The following ATP8B4 variants were observed in gnomAD, a reference collection of about 807,000 sequenced individuals.
ATP8B4 encodes the protein probable phospholipid-transporting ATPase IM.
A neutral mutation model predicts 145.6 loss-of-function variants in ATP8B4; 133 were observed. The observed-to-expected ratio is 0.91, with a 90% confidence interval of 0.79 to 1.05. ATP8B4 has a LOEUF of 1.05. Among genes scored for constraint, ATP8B4 ranks in the 50% least tolerant of loss-of-function variants. ATP8B4 has a pLI of 0.00. For missense variants in ATP8B4, 1,458 were observed against 1,425.2 expected (o/e 1.02, Z -0.37); for synonymous variants, 507 against 492.9 (o/e 1.03, Z -0.38).
At position 49,858,849 on chromosome 15, in the gene ATP8B4, A is replaced by C. The variant is rs1241450576; in HGVS notation, c.*1345T>G. On this transcript the variant is annotated 3_prime_UTR_variant, in exon 28 of 28. Transcript: ENST00000284509. Reference sequence around the variant, plus strand: ...CAATTGCTCTGTTATACTGATGTTGAGTTAACTGGAACTTAACTCATCTGT... The same window carrying C: ...CAATTGCTCTGTTATACTGATGTTGCGTTAACTGGAACTTAACTCATCTGT... The C allele has an allele frequency of 6.6e-6, 1 of 152,056 alleles. No homozygotes were observed. Among genetic ancestry groups the C allele is most frequent in the Non-Finnish European group, 1.5e-5 (1 of 67,974 alleles). 9.4% of individuals were successfully genotyped at this position (152,056 alleles called of 1,614,324 possible).
chr15:50,013,108 C>T (rs949624501), intron 6 of ATP8B4, among the ~76,000 whole-genome samples: 2 of 152,060 alleles, frequency 1.3e-5, no homozygotes, highest in Non-Finnish European at 2.9e-5. Flanking sequence ...TAAAAAAAAT[C>T]CCAGCAGAAC....
intron 6 of ATP8B4, among the ~76,000 whole-genome samples, chr15:50,018,162 A>G (rs916481270): frequency 2.0e-5 from 3 of 151,850 alleles, no homozygotes; most frequent in Admixed American, 2.0e-4. Context: ...TAATTTTTGT[A>G]TTTTTAGTAG....
chr15:49,924,673 T>C (rs932437729), intron 16 of ATP8B4, among the ~76,000 whole-genome samples: 1 of 152,226 alleles, frequency 6.6e-6, no homozygotes, highest in African/African-American at 2.4e-5. Context: ...CTGGCTTACA[T>C]AGATCTAATA....
chr15:49,992,244 T>C (rs763655342), intron 9 of ATP8B4, among the ~76,000 whole-genome samples: 1 of 152,158 alleles, frequency 6.6e-6, no homozygotes, highest in Non-Finnish European at 1.5e-5. Flanking sequence ...ATCAGCATCA[T>C]GTTTAGGGCC....
intron 13 of ATP8B4, among the ~76,000 whole-genome samples, chr15:49,969,363 T>G (rs941769132): frequency 6.6e-6 from 1 of 151,518 alleles, no homozygotes; most frequent in Admixed American, 6.6e-5. Flanking sequence ...ATTAACAAAA[T>G]AGACAGACCA....
rs967389342 is a variant in ATP8B4, at chr15:49,920,386, TCCGAAGG to T, written c.1776_1782del (p.Leu593ProfsTer35). The T allele has an allele frequency of 2.5e-6, 4 of 1,613,804 alleles. No individual in the cohort carries two copies. The African/African-American group carries it at 5.3e-5, about 22-fold the overall frequency. ...AGGTCTCTGTATGCGATGGCCAAGG[TCCGAAGG>T]CCTTCCCCTGCAAATTCCTGCCAGA... On this transcript the variant is annotated frameshift_variant, in exon 18 of 28. Transcript: ENST00000284509. LOFTEE classifies it high-confidence loss of function.
At chr15:50,019,097 G>A in intron 6 of ATP8B4, 1 of 510,932 alleles carries the variant, frequency 2.0e-6, no homozygotes, top group South Asian at 1.5e-5. Flanking sequence ...GTCCTTTGAG[G>A]ATGACTTTTT....
intron 2 of ATP8B4, among the ~76,000 whole-genome samples, chr15:50,086,052 T>C (rs8027986): frequency 9.3e-6 from 1 of 107,090 alleles, no homozygotes; most frequent in Non-Finnish European, 1.7e-5. Flanking sequence ...AATATATAGA[T>C]CTATATATAT....
At chr15:49,875,430 GAGA>G (rs1264914776) in intron 25 of ATP8B4, among the ~76,000 whole-genome samples, 1 of 152,180 alleles carries the variant, frequency 6.6e-6, no homozygotes, top group African/African-American at 2.4e-5. Context: ...CCTCATGACA[GAGA>G]AGATCACCTA....
intron 1 of ATP8B4, among the ~76,000 whole-genome samples, chr15:50,167,016 T>G (rs951008561): frequency 2.6e-5 from 4 of 152,200 alleles, no homozygotes; most frequent in Non-Finnish European, 4.4e-5. Context: ...AATTCCCAGA[T>G]CACAATTTTA....
In ATP8B4 at chr15:50,041,479, G is replaced by T. The variant is rs1459052105; in HGVS notation, c.301-2650C>A. Among the ~76,000 whole-genome samples, 4 of 152,322 alleles carry T rather than the reference G, an allele frequency of 2.6e-5. No individual in the cohort carries two copies. The East Asian group carries it at 7.7e-4, about 29-fold the overall frequency. The stretch of plus-strand genomic sequence containing the variant: ...GTTTCCAAAGCTGTGAAGCCATTAA[G>T]TCATAAGACTACCTTGTACACTGAC... On this transcript the variant is annotated intron_variant, in intron 5 of 27. Transcript: ENST00000284509.
At chr15:50,005,651 C>T (rs935212752) in intron 7 of ATP8B4, among the ~76,000 whole-genome samples, 3 of 152,186 alleles carry the variant, frequency 2.0e-5, no homozygotes, top group South Asian at 4.1e-4. Context: ...TTAACACAAT[C>T]CTCATGGACA....
chr15:50,073,019 T>TATACACACAC (rs1455088682), intron 3 of ATP8B4, among the ~76,000 whole-genome samples: 7 of 32,448 alleles, frequency 2.2e-4, no homozygotes, highest in South Asian at 1.4e-3. Flanking sequence ...TATATATATA[T>TATACACACAC]ACACACACAC....
chr15:50,023,913 T>C (rs1272136363), intron 6 of ATP8B4, among the ~76,000 whole-genome samples: 1 of 151,912 alleles, frequency 6.6e-6, no homozygotes, highest in Non-Finnish European at 1.5e-5. Flanking sequence ...AAATGAGAAG[T>C]GATACTCTAG....
chr15:49,997,795 A>G (rs2047550997), intron 8 of ATP8B4, among the ~76,000 whole-genome samples: 1 of 152,136 alleles, frequency 6.6e-6, no homozygotes, highest in African/African-American at 2.4e-5. Flanking sequence ...CGCATTGCTA[A>G]AATAGCTTTC....
intron 9 of ATP8B4, among the ~76,000 whole-genome samples, chr15:49,989,263 CT>C (rs931793951): frequency 2.0e-5 from 3 of 152,106 alleles, no homozygotes; most frequent in South Asian, 4.1e-4. Context: ...AATTCAGTAT[CT>C]TTTTTTCTTG....
chr15:49,864,661 T>A (rs1037786843), intron 26 of ATP8B4, among the ~76,000 whole-genome samples: 1 of 152,206 alleles, frequency 6.6e-6, no homozygotes, highest in Admixed American at 6.5e-5. Context: ...GAATCTTTTT[T>A]AAGGGATTTT....
At chr15:50,009,433 A>C (rs2048557760) in intron 7 of ATP8B4, 2 of 238,596 alleles carry the variant, frequency 8.4e-6, no homozygotes, top group Admixed American at 1.1e-4. Flanking sequence ...TCAGCTTAGA[A>C]GAGAATCACA....
intron 1 of ATP8B4, among the ~76,000 whole-genome samples, chr15:50,171,416 T>C (rs1185406833): frequency 6.6e-6 from 1 of 152,230 alleles, no homozygotes; most frequent in African/African-American, 2.4e-5. Context: ...TTCAAAACCA[T>C]GCAAATACAT....
Sources: allele counts gnomAD v4.1 joint callset (sites outside exome capture counted in the v4.1 genomes callset), GRCh38; gene constraint gnomAD v4.1.1; transcripts MANE v1.5; gene names NCBI Gene and HGNC (gene_info 2026-07-23, HGNC 2026-07-21).